Variants in PTPRN2 observed in about 807,000 individuals in gnomAD.
PTPRN2 encodes the protein protein tyrosine phosphatase receptor type N2.
In PTPRN2, 74 loss-of-function variants were observed where a neutral mutation model predicts 118.8. The observed-to-expected ratio is 0.62, with a 90% confidence interval of 0.52 to 0.76. PTPRN2 has a LOEUF of 0.76. Among genes scored for constraint, PTPRN2 ranks in the 30% least tolerant of loss-of-function variants. PTPRN2 has a pLI of 0.00. For synonymous variants in PTPRN2, 641 were observed against 608.0 expected, an observed-to-expected ratio of 1.05 and a Z score of -0.80; for missense variants, 1,481 against 1,394.4, an observed-to-expected ratio of 1.06 and a Z score of -0.99.
intron 12 of PTPRN2, among the ~76,000 whole-genome samples, chr7:157,796,845 G>A (rs34085833): frequency 0.13 from 20,308 of 152,078 alleles, 1,414 homozygotes; most frequent in South Asian, 0.15. Flanking sequence ...AGCAAGGAGA[G>A]GGTGGTGCAA....
At chr7:158,327,928 G>A (rs180718820) in intron 2 of PTPRN2, among the ~76,000 whole-genome samples, 45 of 152,224 alleles carry the variant, frequency 3.0e-4, no homozygotes, top group African/African-American at 1.0e-3. Context: ...CTCCATCAGG[G>A]TCCCCAGGGG....
intron 11 of PTPRN2, among the ~76,000 whole-genome samples, chr7:157,948,351 T>C (rs1800607641): frequency 6.6e-6 from 1 of 152,234 alleles, no homozygotes; most frequent in Admixed American, 6.5e-5. Context: ...TGTGTGCTTT[T>C]GAAGCTAAGT....
chr7:158,478,508 C>T lies in PTPRN2; in HGVS notation c.163+11227G>A, dbSNP rs543847992. 3.9e-5 allele frequency among the ~76,000 whole-genome samples: 6 copies of T among 152,256 alleles called. No homozygotes were observed. In the East Asian group the frequency reaches 7.7e-4, roughly 20 times the overall value. ...TCAAAGAACGGGTGGGATGCGGAGC[C>T]GTGACAAGGGCATGGGAAAGAAAGT... On this transcript the variant is annotated intron_variant, in intron 2 of 22. Coordinates refer to ENST00000389418, the MANE Select transcript of PTPRN2 (RefSeq NM_002847.5).
chr7:158,424,014 G>A (rs1226521421), intron 2 of PTPRN2, among the ~76,000 whole-genome samples: 1 of 152,110 alleles, frequency 6.6e-6, no homozygotes, highest in Non-Finnish European at 1.5e-5. Flanking sequence ...AGATTAATTC[G>A]GAAGAGGCTA....
At chr7:157,548,891 GC>G in intron 22 of PTPRN2, 54 bp downstream of exon 22, 1 of 1,539,812 alleles carries the variant, frequency 6.5e-7, no homozygotes, top group Non-Finnish European at 9.0e-7. Context: ...CAGGAACACG[GC>G]CGCAGAGAGG....
intron 11 of PTPRN2, among the ~76,000 whole-genome samples, chr7:158,077,777 G>A (rs1812492082): frequency 6.6e-6 from 1 of 152,316 alleles, no homozygotes; most frequent in South Asian, 2.1e-4. Context: ...GTTTCTAAAG[G>A]ATGATGAATT....
intron 21 of PTPRN2, among the ~76,000 whole-genome samples, chr7:157,554,687 G>A (rs1798793451): frequency 6.6e-6 from 1 of 152,228 alleles, no homozygotes; most frequent in Non-Finnish European, 1.5e-5. Flanking sequence ...ACATCGAAAA[G>A]CCTGCAAACA....
intron 11 of PTPRN2, among the ~76,000 whole-genome samples, chr7:157,910,052 A>T (rs977833428): frequency 6.6e-6 from 1 of 152,240 alleles, no homozygotes; most frequent in African/African-American, 2.4e-5. Context: ...TATACCTTCC[A>T]CACCCACAGT....
intron 3 of PTPRN2, among the ~76,000 whole-genome samples, chr7:158,208,018 A>G (rs113748094): frequency 6.6e-6 from 1 of 152,150 alleles, no homozygotes; most frequent in Admixed American, 6.5e-5. Flanking sequence ...AATGCCTCAG[A>G]CTCTCTTGAC....
intron 6 of PTPRN2, among the ~76,000 whole-genome samples, chr7:158,140,923 A>G (rs1306059382): frequency 1.3e-5 from 2 of 152,214 alleles, no homozygotes; most frequent in Non-Finnish European, 2.9e-5. Flanking sequence ...CTCTGTCCTC[A>G]TAAAGGTTTA....
At chr7:158,372,629 AGCTGGTCCCCACCACGCTGGTTCCCG>A (rs1810159628) in intron 2 of PTPRN2, among the ~76,000 whole-genome samples, 2 of 150,228 alleles carry the variant, frequency 1.3e-5, no homozygotes, top group Admixed American at 6.6e-5. Context: ...TGGTCCCCGG[AGCTGGTCCCCACCACGCTGGTTCCCG>A]GAGCTGATCT....
chr7:158,561,388 G>A (rs1277772334), intron 1 of PTPRN2, among the ~76,000 whole-genome samples: 3 of 152,172 alleles, frequency 2.0e-5, no homozygotes, highest in Non-Finnish European at 4.4e-5. Flanking sequence ...CTGTAAAGAG[G>A]AAAATGCCGC....
intron 11 of PTPRN2, among the ~76,000 whole-genome samples, chr7:158,014,527 C>T (rs1186059420): frequency 1.3e-5 from 2 of 151,982 alleles, no homozygotes; most frequent in Non-Finnish European, 2.9e-5. Flanking sequence ...TTCCAACTAC[C>T]CATCTATCCA....
chr7:158,020,053 C>T (rs928238009), intron 11 of PTPRN2, among the ~76,000 whole-genome samples: 2 of 152,240 alleles, frequency 1.3e-5, no homozygotes, highest in African/African-American at 4.8e-5. Context: ...CACTGCAGCT[C>T]ATCCTCTTGG....
chr7:158,293,127 G>A (rs1235721993), intron 3 of PTPRN2, among the ~76,000 whole-genome samples: 1 of 152,162 alleles, frequency 6.6e-6, no homozygotes, highest in Non-Finnish European at 1.5e-5. Context: ...GAGCCTGCAG[G>A]ACTGAAATTT....
intron 2 of PTPRN2, among the ~76,000 whole-genome samples, chr7:158,406,016 G>A (rs752655554): frequency 0.015 from 2,073 of 137,670 alleles, 37 homozygotes; most frequent in Middle Eastern, 0.036. Context: ...ACACGTGGCT[G>A]CACACTGAGA....
intron 12 of PTPRN2, among the ~76,000 whole-genome samples, chr7:157,758,434 G>A (rs2151001685): frequency 6.6e-6 from 1 of 152,336 alleles, no homozygotes; most frequent in East Asian, 1.9e-4. Context: ...CCACACAGCT[G>A]GTCAGCTCAG....
chr7:157,805,499 C>A (rs1438913199), intron 12 of PTPRN2, among the ~76,000 whole-genome samples: 1 of 152,132 alleles, frequency 6.6e-6, no homozygotes, highest in Non-Finnish European at 1.5e-5. Context: ...ATTTTTAAAA[C>A]ATGCGAAGAA....
chr7:157,554,829 G>A (rs1798800206), intron 21 of PTPRN2, among the ~76,000 whole-genome samples: 1 of 152,264 alleles, frequency 6.6e-6, no homozygotes, highest in African/African-American at 2.4e-5. Flanking sequence ...GAAGCATCAT[G>A]GTGATTCAAA....
Sources: allele counts gnomAD v4.1 joint callset (sites outside exome capture counted in the v4.1 genomes callset), GRCh38; gene constraint gnomAD v4.1.1; transcripts MANE v1.5; gene names NCBI Gene and HGNC (gene_info 2026-07-23, HGNC 2026-07-21).